The following CIBAR1 variants were observed in gnomAD, a reference collection of about 807,000 sequenced individuals.
The protein encoded by CIBAR1 is CBY1 interacting BAR domain containing 1, also known as CBY1-interacting BAR domain-containing protein 1.
Under a neutral mutation model 44.0 loss-of-function variants are expected in CIBAR1, and 25 were observed. The observed-to-expected ratio is 0.57, with a 90% CI of 0.41 to 0.79. The LOEUF (loss-of-function observed/expected upper bound fraction) is 0.79, where lower values mean the gene tolerates loss of function less well. Among genes scored for constraint, CIBAR1 ranks in the 30% least tolerant of loss-of-function variants. The pLI is 0.00. For missense variants in CIBAR1, 278 were observed against 344.8 expected, an observed-to-expected ratio of 0.81 and a Z score of 1.53; for synonymous variants, 115 against 119.0, an observed-to-expected ratio of 0.97 and a Z score of 0.22.
At position 93,718,723 on chromosome 8, in the gene CIBAR1, G is replaced by A; in HGVS notation, c.592G>A (p.Ala198Thr). 6.4e-7 allele frequency: 1 copy of A among 1,571,624 alleles called. No homozygotes were observed. The highest frequency in any genetic ancestry group is 8.6e-7 in the Non-Finnish European group (1 of 1,157,088). ...AATCGAAATGTTATTTCACGGCAAA[G>A]CTTTAGAGGTCTACACTGCTGCCTA... The part of the protein sequence containing the change: ...ITIEMLFHGK[A>T]LEVYTAAYQN... The change falls in exon 7 of 9, where the codon GCT (alanine) becomes ACT (threonine). Residue 198 changes from alanine to threonine, a missense_variant. Physicochemically the swap from Ala to Thr is moderately conservative, Grantham distance 58. Transcript: ENST00000518322.
intron 6 of CIBAR1, among the ~76,000 whole-genome samples, chr8:93,713,590 A>G (rs1810918676): frequency 6.6e-6 from 1 of 152,208 alleles, no homozygotes; most frequent in Non-Finnish European, 1.5e-5. Flanking sequence ...ATTTATTCCT[A>G]TGTTCTCTTA....
At chr8:93,710,999 A>G (rs1810801694) in intron 6 of CIBAR1, among the ~76,000 whole-genome samples, 1 of 152,218 alleles carries the variant, frequency 6.6e-6, no homozygotes, top group African/African-American at 2.4e-5. Context: ...ACATATCATC[A>G]AATAAGTAAA....
intron 5 of CIBAR1, among the ~76,000 whole-genome samples, chr8:93,708,313 T>A (rs2130306335): frequency 6.6e-6 from 1 of 152,312 alleles, no homozygotes; most frequent in African/African-American, 2.4e-5. Flanking sequence ...AGAAAAACTC[T>A]TAAATGTTTT....
At chr8:93,704,456 G>A (rs1810497607) in intron 3 of CIBAR1, among the ~76,000 whole-genome samples, 1 of 152,156 alleles carries the variant, frequency 6.6e-6, no homozygotes, top group African/African-American at 2.4e-5. Flanking sequence ...TGCTGCCTCT[G>A]ATCTAACAAG....
chr8:93,709,484 G>C (rs957032146), intron 5 of CIBAR1, among the ~76,000 whole-genome samples: 1 of 152,038 alleles, frequency 6.6e-6, no homozygotes, highest in African/African-American at 2.4e-5. Context: ...TTATCCAAGG[G>C]TGTCTGGAAA....
chr8:93,722,118 A>G (rs1322789735), intron 7 of CIBAR1, among the ~76,000 whole-genome samples: 3 of 152,228 alleles, frequency 2.0e-5, no homozygotes, highest in Admixed American at 6.5e-5. Context: ...TTATTATGCC[A>G]TTATTGTGGA....
intron 7 of CIBAR1, among the ~76,000 whole-genome samples, chr8:93,725,038 C>T (rs572412871): frequency 3.9e-5 from 6 of 152,118 alleles, no homozygotes; most frequent in South Asian, 4.2e-4. Context: ...AGTGCAGTGG[C>T]GTGTTGTGAT....
At chr8:93,706,084 TG>T (rs1203351234) in intron 4 of CIBAR1, 1 of 151,906 alleles carries the variant, frequency 6.6e-6, no homozygotes, top group Non-Finnish European at 1.5e-5. Context: ...ACATGAGGAG[TG>T]GCTCTTTGAG....
intron 5 of CIBAR1, among the ~76,000 whole-genome samples, chr8:93,709,377 G>A (rs971523564): frequency 1.3e-5 from 2 of 152,182 alleles, no homozygotes; most frequent in Admixed American, 6.5e-5. Context: ...AATGGCTAAT[G>A]GAGAGAGAGA....
intron 6 of CIBAR1, among the ~76,000 whole-genome samples, chr8:93,711,678 G>A (rs1164961799): frequency 6.6e-6 from 1 of 152,188 alleles, no homozygotes; most frequent in African/African-American, 2.4e-5. Context: ...TGTGAGCTAT[G>A]CCTGATTCCA....
intron 7 of CIBAR1, among the ~76,000 whole-genome samples, chr8:93,723,187 G>A (rs1206344080): frequency 1.3e-5 from 2 of 152,062 alleles, no homozygotes; most frequent in Non-Finnish European, 2.9e-5. Context: ...TAGTAGAGAT[G>A]GGGTTTCACC....
rs1338057841 is a variant in CIBAR1 at position 93,731,366 on chromosome 8, T to C, written c.*3069T>C. 1 of 152,222 alleles carries C rather than the reference T, an allele frequency of 6.6e-6. No homozygotes were observed. Among genetic ancestry groups the C allele is most frequent in the African/African-American group, 2.4e-5 (1 of 41,458 alleles). 9.4% of individuals were successfully genotyped at this position (152,222 alleles called of 1,614,324 possible). A position where few individuals can be genotyped will look rare whatever the true frequency, so the allele number is the denominator to read the frequency against. On this transcript the variant is annotated 3_prime_UTR_variant, in exon 9 of 9. Transcript: ENST00000518322. ...AAAATGGGTGACCAAATGAACCATC[T>C]ATACAATCTTTGCTCAATTAAAAAT...
intron 6 of CIBAR1, among the ~76,000 whole-genome samples, chr8:93,713,286 A>G (rs1235532422): frequency 6.7e-6 from 1 of 150,106 alleles, no homozygotes; most frequent in Middle Eastern, 3.3e-3. Context: ...GCCCACCTCC[A>G]CCTCCCAAAG....
At chr8:93,713,481 C>G (rs1169060858) in intron 6 of CIBAR1, among the ~76,000 whole-genome samples, 1 of 152,116 alleles carries the variant, frequency 6.6e-6, no homozygotes, top group Non-Finnish European at 1.5e-5. Context: ...CTTTGAAGCA[C>G]AGGTTTTTAA....
intron 7 of CIBAR1, among the ~76,000 whole-genome samples, chr8:93,723,247 T>C (rs187648128): frequency 1.5e-3 from 235 of 152,262 alleles, no homozygotes; most frequent in African/African-American, 4.1e-3. Flanking sequence ...CCGCCCGCCT[T>C]GGCCTCCCAA....
At chr8:93,706,717 T>C (rs1259244784) in intron 4 of CIBAR1, among the ~76,000 whole-genome samples, 2 of 152,192 alleles carry the variant, frequency 1.3e-5, no homozygotes, top group East Asian at 1.9e-4. Context: ...GAAATAAATA[T>C]AACCTAAGAG....
intron 4 of CIBAR1, 91 bp from the exon 5 acceptor site, chr8:93,707,920 A>T: frequency 1.3e-6 from 1 of 769,012 alleles, no homozygotes; most frequent in Non-Finnish European, 2.0e-6. Flanking sequence ...ACCTAATTGT[A>T]AGTGTATATA....
intron 7 of CIBAR1, chr8:93,724,703 G>A: frequency 8.9e-7 from 1 of 1,119,174 alleles, no homozygotes; most frequent in Non-Finnish European, 1.1e-6. Flanking sequence ...CAGTAAAGTA[G>A]CCATTAGGCA....
At chr8:93,703,405 A>G (rs1163107125) in intron 2 of CIBAR1, among the ~76,000 whole-genome samples, 2 of 152,202 alleles carry the variant, frequency 1.3e-5, no homozygotes, top group African/African-American at 4.8e-5. Flanking sequence ...TAAGATGATG[A>G]TGTGGCCAGG....
Sources: gnomAD v4.1 joint callset for allele counts (sites outside exome capture counted in the v4.1 genomes callset) on GRCh38, gnomAD v4.1.1 for gene constraint, MANE v1.5 for transcripts, NCBI Gene and HGNC (gene_info 2026-07-23, HGNC 2026-07-21) for gene names.